The following XYLB variants were observed in gnomAD, a reference collection of about 807,000 sequenced individuals.
XYLB encodes the protein xylulose kinase.
A neutral mutation model predicts 78.7 loss-of-function variants in XYLB; 62 were observed. The observed-to-expected ratio is 0.79, with a 90% CI of 0.64 to 0.97. The LOEUF (loss-of-function observed/expected upper bound fraction) is 0.97. XYLB is among the 50% of genes least tolerant of loss of function. The pLI is 0.00. For missense variants in XYLB, 687 were observed against 676.8 expected (o/e 1.02, Z -0.17); for synonymous variants, 245 against 247.4 (o/e 0.99, Z 0.09).
At chr3:38,396,306 T>C (rs1707866145) in intron 16 of XYLB, among the ~76,000 whole-genome samples, 1 of 152,202 alleles carries the variant, frequency 6.6e-6, no homozygotes, top group Non-Finnish European at 1.5e-5. Flanking sequence ...TGGAGTCTAC[T>C]TCAGCTCCAT....
At chr3:38,348,704 C>G in intron 2 of XYLB, 72 bp downstream of exon 2, 4 of 1,389,242 alleles carry the variant, frequency 2.9e-6, no homozygotes, top group Non-Finnish European at 4.1e-6. Context: ...CTTTTGTATT[C>G]GCAGACCGCA....
rs1207439942 is a variant in XYLB at position 38,414,030 on chromosome 3, C to G, written c.*1017C>G. The G allele has an allele frequency of 6.6e-6, 1 of 152,186 alleles. No homozygotes were observed. Among genetic ancestry groups the G allele is most frequent in the East Asian group, 1.9e-4 (1 of 5,200 alleles). 9.4% of individuals were successfully genotyped at this position (152,186 alleles called of 1,614,324 possible). ...CCCTCCTGTTTTACTTTATACCTCT[C>G]TATTCCTTGCTCAAATTATTGCAAA... On this transcript the variant is annotated 3_prime_UTR_variant, in exon 19 of 19. Coordinates refer to ENST00000207870, the MANE Select transcript of XYLB (RefSeq NM_005108.4).
chr3:38,447,575 T>A, the XYLB span, among the ~76,000 whole-genome samples: 9 of 149,224 alleles, frequency 6.0e-5, no homozygotes, highest in Middle Eastern at 7.1e-3. Context: ...CTCCTCGGCC[T>A]CCCATAATGC....
chr3:38,448,605 G>T, the XYLB span, among the ~76,000 whole-genome samples: 1 of 152,030 alleles, frequency 6.6e-6, no homozygotes, highest in Non-Finnish European at 1.5e-5. Context: ...TTAGATGTGG[G>T]CATTTAAAAT....
downstream of XYLB, among the ~76,000 whole-genome samples, chr3:38,416,273 A>G (rs915725383): frequency 1.3e-5 from 2 of 152,160 alleles, no homozygotes; most frequent in Non-Finnish European, 2.9e-5. Context: ...AGTATTATTT[A>G]AAGTTGACAA....
chr3:38,426,104 C>T (rs1709094505), downstream of XYLB, among the ~76,000 whole-genome samples: 1 of 152,170 alleles, frequency 6.6e-6, no homozygotes, highest in Admixed American at 6.5e-5. Flanking sequence ...GGATTGATTG[C>T]TGTCACAGCT....
In XYLB at chr3:38,370,250, A is replaced by ACACACACACACACACACG. The variant is rs1706483666; in HGVS notation, c.765+93_765+94insGCACACACACACACACAC. Reference sequence around the variant, plus strand: ...GGGAAGCACTGTAGCGCACACACACACACACACACACACACACTCTGCACA... The same window carrying ACACACACACACACACACG: ...GGGAAGCACTGTAGCGCACACACACACACACACACACACACACGCACACACACACACACACTCTGCACA... On this transcript the variant is annotated intron_variant, in intron 9 of 18. Transcript: ENST00000207870. 15 of 844,610 alleles carry ACACACACACACACACACG rather than the reference A, an allele frequency of 1.8e-5. No homozygotes were observed. The South Asian group carries it at 2.2e-4, about 12-fold the overall frequency. The allele number at this position is 844,610 out of a possible 1,614,324, so 52.3% of individuals were successfully genotyped here.
chr3:38,355,757 A>G, intron 2 of XYLB: 1 of 703,640 alleles, frequency 1.4e-6, no homozygotes, highest in Admixed American at 2.0e-5. Flanking sequence ...CCTTGGAAGC[A>G]CATGTGGAAC....
intron 17 of XYLB, 113 bp downstream of exon 17, chr3:38,397,272 C>T: frequency 1.0e-6 from 1 of 964,514 alleles, no homozygotes; most frequent in Admixed American, 1.9e-5. Context: ...ACATTGGAGT[C>T]TTGGGGACTT....
chr3:38,419,578 TTATATATATATA>T (rs67869604), downstream of XYLB, among the ~76,000 whole-genome samples: 3 of 68,280 alleles, frequency 4.4e-5, no homozygotes, highest in African/African-American at 1.3e-4. Context: ...TTATTTTTCT[TTATATATATATA>T]TATATATATA....
At chr3:38,375,063 G>A (rs1575489006) in intron 11 of XYLB, 81 bp from the exon 12 acceptor site, 2 of 1,118,880 alleles carry the variant, frequency 1.8e-6, no homozygotes, top group East Asian at 2.6e-5. Context: ...GTTAAGGTGG[G>A]TGGAGTACAG....
At chr3:38,396,987 A>G in intron 16 of XYLB, 85 bp from the exon 17 acceptor site, 1 of 1,350,766 alleles carries the variant, frequency 7.4e-7, no homozygotes, top group Non-Finnish European at 1.1e-6. Flanking sequence ...CATATGAGGG[A>G]GAGAGCCTGG....
intron 4 of XYLB, among the ~76,000 whole-genome samples, chr3:38,363,449 A>T (rs141002805): frequency 0.89 from 136,096 of 152,084 alleles, 61,450 homozygotes; most frequent in East Asian, 1. Flanking sequence ...ACATTGACTG[A>T]GCACTTAGTG....
chr3:38,348,704 C>T (rs1309659379), intron 2 of XYLB, 72 bp downstream of exon 2: 7 of 1,389,124 alleles, frequency 5.0e-6, no homozygotes, highest in Middle Eastern at 1.8e-4. Context: ...CTTTTGTATT[C>T]GCAGACCGCA....
chr3:38,381,233 A>G (rs151001328), intron 15 of XYLB, among the ~76,000 whole-genome samples: 13,258 of 152,268 alleles, frequency 0.087, 805 homozygotes, highest in Middle Eastern at 0.19. Context: ...CTTTACTGCA[A>G]TCTCTAAACA....
intron 3 of XYLB, among the ~76,000 whole-genome samples, chr3:38,360,700 A>G (rs571360612): frequency 7.2e-5 from 11 of 152,368 alleles, no homozygotes; most frequent in Non-Finnish European, 1.6e-4. Flanking sequence ...TTTTCCAAAC[A>G]TCTGCAGTCA....
In XYLB at chr3:38,380,535, G is replaced by A. The variant is rs79960625; in HGVS notation, c.1291+1193G>A. ...CTATGATACTCTATGGACAATCCAA[G>A]TTCTATGTAATATATATTTTATACC... On this transcript the variant is annotated intron_variant, in intron 15 of 18. Coordinates refer to ENST00000207870, the MANE Select transcript of XYLB (RefSeq NM_005108.4). Among the ~76,000 whole-genome samples, 622 of 152,222 alleles carry A rather than the reference G, an allele frequency of 4.1e-3. 7 individuals carry two copies. In the East Asian group the frequency reaches 0.046, roughly 11 times the overall value.
At chr3:38,386,004 TTGTC>T (rs1012871558) in intron 15 of XYLB, among the ~76,000 whole-genome samples, 1 of 152,226 alleles carries the variant, frequency 6.6e-6, no homozygotes, top group Non-Finnish European at 1.5e-5. Flanking sequence ...ACCTTTCTAT[TTGTC>T]TGTCTGTCTA....
At chr3:38,376,434 G>C (rs1357235899) in intron 13 of XYLB, among the ~76,000 whole-genome samples, 1 of 152,190 alleles carries the variant, frequency 6.6e-6, no homozygotes, top group Non-Finnish European at 1.5e-5. Flanking sequence ...CTGTAAGGCT[G>C]TCCTTGGCTT....
Sources: allele counts gnomAD v4.1 joint callset (sites outside exome capture counted in the v4.1 genomes callset), GRCh38; gene constraint gnomAD v4.1.1; transcripts MANE v1.5; gene names NCBI Gene and HGNC (gene_info 2026-07-23, HGNC 2026-07-21).